The following DLGAP1 variants were observed in gnomAD, a reference collection of about 807,000 sequenced individuals.
DLGAP1 encodes disks large-associated protein 1.
DLGAP1 carries 11 observed loss-of-function variants against 90.8 expected under a neutral mutation model. The observed-to-expected ratio is 0.12, with a 90% CI of 0.08 to 0.20. The LOEUF (loss-of-function observed/expected upper bound fraction) is 0.20, where lower values mean the gene tolerates loss of function less well. Ranked by LOEUF, DLGAP1 falls within the 10% of genes least tolerant of loss-of-function variation. The pLI is 1.00. For missense variants in DLGAP1, 1,050 were observed against 1,333.8 expected (o/e 0.79, Z 3.31); for synonymous variants, 558 against 540.7 (o/e 1.03, Z -0.44).
chr18:3,766,753 TAAAC>T (rs1203384074), intron 5 of DLGAP1, among the ~76,000 whole-genome samples: 2 of 151,508 alleles, frequency 1.3e-5, no homozygotes, highest in Non-Finnish European at 2.9e-5. Flanking sequence ...TTAAGGAAAA[TAAAC>T]AAATACACTG....
At chr18:4,349,563 A>G (rs2081365592) in intron 1 of DLGAP1, among the ~76,000 whole-genome samples, 1 of 152,128 alleles carries the variant, frequency 6.6e-6, no homozygotes, top group African/African-American at 2.4e-5. Flanking sequence ...AAAAAAAACT[A>G]TGGTATATTT....
intron 11 of DLGAP1, among the ~76,000 whole-genome samples, chr18:3,504,936 G>A (rs956227215): frequency 6.6e-6 from 1 of 152,166 alleles, no homozygotes; most frequent in African/African-American, 2.4e-5. Flanking sequence ...AGAGCCAAGG[G>A]AGGCTGGGGT....
intron 1 of DLGAP1, among the ~76,000 whole-genome samples, chr18:4,223,034 A>T (rs2144985608): frequency 6.6e-6 from 1 of 152,222 alleles, no homozygotes; most frequent in East Asian, 1.9e-4. Flanking sequence ...TACGAGAAGC[A>T]CTTATGTCCA....
At chr18:4,083,442 A>G (rs541819749) in intron 2 of DLGAP1, among the ~76,000 whole-genome samples, 2 of 152,354 alleles carry the variant, frequency 1.3e-5, no homozygotes, top group East Asian at 3.9e-4. Context: ...AACCAAGTAG[A>G]GAAAACATTT....
chr18:4,045,461 A>G (rs1273155746), intron 2 of DLGAP1, among the ~76,000 whole-genome samples: 2 of 142,496 alleles, frequency 1.4e-5, no homozygotes, highest in East Asian at 4.0e-4. Context: ...AAAAAAAAAA[A>G]AAAAGCTTGC....
At chr18:4,276,394 G>GGGA (rs1391048713) in intron 1 of DLGAP1, among the ~76,000 whole-genome samples, 4 of 152,010 alleles carry the variant, frequency 2.6e-5, no homozygotes, top group Non-Finnish European at 5.9e-5. Flanking sequence ...CCAGCACTTT[G>GGGA]GGAGGCTGAG....
chr18:4,170,229 G>A (rs1234648814), intron 1 of DLGAP1, among the ~76,000 whole-genome samples: 3 of 152,180 alleles, frequency 2.0e-5, no homozygotes, highest in Non-Finnish European at 2.9e-5. Context: ...CGTTGGGCAT[G>A]AAAGAGGAGT....
At chr18:3,852,318 T>C (rs761116422) in intron 4 of DLGAP1, among the ~76,000 whole-genome samples, 22 of 152,086 alleles carry the variant, frequency 1.4e-4, no homozygotes, top group Non-Finnish European at 2.6e-4. Flanking sequence ...GAAGAGAAAA[T>C]GAAGTTGACA....
intron 1 of DLGAP1, among the ~76,000 whole-genome samples, chr18:4,373,525 T>C (rs1233112557): frequency 6.6e-6 from 1 of 152,144 alleles, no homozygotes; most frequent in Non-Finnish European, 1.5e-5. Flanking sequence ...ACCTCCAGGT[T>C]AGCTAGATCA....
intron 1 of DLGAP1, among the ~76,000 whole-genome samples, chr18:4,267,540 C>T (rs2079157822): frequency 6.6e-6 from 1 of 151,824 alleles, no homozygotes; most frequent in African/African-American, 2.4e-5. Flanking sequence ...TCATCTTGCA[C>T]CCAAAGGAAA....
chr18:4,362,046 C>T (rs1045295919), intron 1 of DLGAP1, among the ~76,000 whole-genome samples: 1 of 152,010 alleles, frequency 6.6e-6, no homozygotes, highest in South Asian at 2.1e-4. Flanking sequence ...CCATCTCACA[C>T]CTATTGGGAT....
chr18:4,019,429 C>T (rs2074573749), intron 2 of DLGAP1, among the ~76,000 whole-genome samples: 1 of 152,096 alleles, frequency 6.6e-6, no homozygotes, highest in Admixed American at 6.6e-5. Flanking sequence ...TTTTCATATA[C>T]TTACAAGATA....
intron 1 of DLGAP1, among the ~76,000 whole-genome samples, chr18:4,282,191 C>T (rs866152452): frequency 6.6e-6 from 1 of 151,876 alleles, no homozygotes; most frequent in East Asian, 1.9e-4. Context: ...GGTGAAACTC[C>T]GTCTCTACTA....
chr18:4,384,450 T>C (rs116190902), intron 1 of DLGAP1, among the ~76,000 whole-genome samples: 3 of 152,172 alleles, frequency 2.0e-5, no homozygotes, highest in Admixed American at 6.5e-5. Context: ...CAGAATGTAA[T>C]AGCAGGGATT....
chr18:3,732,194 T>C (rs1192420255), intron 6 of DLGAP1, among the ~76,000 whole-genome samples: 1 of 152,238 alleles, frequency 6.6e-6, no homozygotes, highest in Non-Finnish European at 1.5e-5. Context: ...CTGCATTTTG[T>C]ATTGCCTGAA....
intron 7 of DLGAP1, among the ~76,000 whole-genome samples, chr18:3,610,154 CTA>C (rs2057535417): frequency 6.6e-6 from 1 of 152,098 alleles, no homozygotes; most frequent in South Asian, 2.1e-4. Flanking sequence ...TTTAAAAAAA[CTA>C]AAACTATTTT....
At chr18:3,520,550 C>G (rs769093036) in intron 10 of DLGAP1, among the ~76,000 whole-genome samples, 4 of 152,138 alleles carry the variant, frequency 2.6e-5, no homozygotes, top group Non-Finnish European at 5.9e-5. Context: ...TAATCCACTA[C>G]GACTGATGTC....
intron 3 of DLGAP1, among the ~76,000 whole-genome samples, chr18:3,891,286 C>A (rs780592246): frequency 1.3e-5 from 2 of 152,138 alleles, no homozygotes; most frequent in African/African-American, 2.4e-5. Context: ...TTTTTGTTAG[C>A]CCCCTCAGGT....
In DLGAP1 at chr18:3,668,742, A is replaced by C. The variant is rs142990874; in HGVS notation, c.1591+60393T>G. ...GCCCAGTGCACTGGCTCACGCATGG[A>C]ATCCCAGCACTTTGGGAGGCCGAGG... On this transcript the variant is annotated intron_variant, in intron 7 of 12. Coordinates refer to ENST00000315677, the MANE Select transcript of DLGAP1 (RefSeq NM_004746.4). Among the ~76,000 whole-genome samples, 336 of 152,310 alleles carry C rather than the reference A, an allele frequency of 2.2e-3. 6 individuals carry two copies. Among genetic ancestry groups the C allele is most frequent in the African/African-American group, 7.4e-3 (308 of 41,566 alleles).
Sources: gnomAD v4.1 joint callset for allele counts (sites outside exome capture counted in the v4.1 genomes callset) on GRCh38, gnomAD v4.1.1 for gene constraint, MANE v1.5 for transcripts, NCBI Gene and HGNC (gene_info 2026-07-23, HGNC 2026-07-21) for gene names.